SPMIP7: variants seen among roughly 807,000 people sequenced by gnomAD.
The protein encoded by SPMIP7 is protein SPMIP7.
At chr7:50,127,632 T>TAC in the SPMIP7 span, among the ~76,000 whole-genome samples, 2 of 149,160 alleles carry the variant, frequency 1.3e-5, no homozygotes, top group African/African-American at 4.9e-5. Context: ...TATATATATA[T>TAC]ATACTGATTA....
chr7:50,104,236 A>G, the SPMIP7 span: 4 of 597,252 alleles, frequency 6.7e-6, no homozygotes, highest in Non-Finnish European at 1.2e-5. Context: ...CTAGCTTCTA[A>G]TAGTAAATAT....
chr7:50,123,571 A>C, the SPMIP7 span, among the ~76,000 whole-genome samples: 11 of 80,632 alleles, frequency 1.4e-4, no homozygotes, highest in African/African-American at 5.5e-4. Context: ...GTATAATAAT[A>C]AATAAATAAA....
the SPMIP7 span, among the ~76,000 whole-genome samples, chr7:50,100,791 G>A: frequency 1.9e-5 from 2 of 102,980 alleles, no homozygotes; most frequent in East Asian, 2.4e-4. Context: ...CAGCCTTGGC[G>A]ACAGAGTGAG....
the SPMIP7 span, among the ~76,000 whole-genome samples, chr7:50,157,093 A>G: frequency 1.3e-5 from 2 of 152,214 alleles, no homozygotes; most frequent in African/African-American, 4.8e-5. Context: ...GAGGCAAGGA[A>G]CAGTGCATTT....
the SPMIP7 span, among the ~76,000 whole-genome samples, chr7:50,111,081 T>C: frequency 6.8e-6 from 1 of 146,604 alleles, no homozygotes. Context: ...GATAAAATGT[T>C]CTATTATATT....
At chr7:50,148,974 G>A in the SPMIP7 span, among the ~76,000 whole-genome samples, 5 of 152,104 alleles carry the variant, frequency 3.3e-5, no homozygotes, top group Admixed American at 2.0e-4. Flanking sequence ...GTGAAACCCC[G>A]ACTCTACTAA....
the SPMIP7 span, among the ~76,000 whole-genome samples, chr7:50,117,815 G>C: frequency 6.6e-6 from 1 of 152,166 alleles, no homozygotes; most frequent in Non-Finnish European, 1.5e-5. Context: ...AGACATGTCA[G>C]TAAATATTTA....
the SPMIP7 span, among the ~76,000 whole-genome samples, chr7:50,143,972 T>C: frequency 1.3e-5 from 2 of 152,238 alleles, no homozygotes; most frequent in African/African-American, 4.8e-5. Context: ...AGGTTACATA[T>C]GTAAATTGTT....
chr7:50,101,410 C>A, the SPMIP7 span, among the ~76,000 whole-genome samples: 1 of 152,148 alleles, frequency 6.6e-6, no homozygotes, highest in African/African-American at 2.4e-5. Context: ...CTTTTTTGAA[C>A]CTTTGCAGCT....
At chr7:50,143,949 G>T in the SPMIP7 span, among the ~76,000 whole-genome samples, 2 of 151,966 alleles carry the variant, frequency 1.3e-5, no homozygotes, top group African/African-American at 4.8e-5. Flanking sequence ...TACTGTAACT[G>T]CCTCATTCAC....
the SPMIP7 span, among the ~76,000 whole-genome samples, chr7:50,120,038 C>A: frequency 2.0e-5 from 3 of 152,188 alleles, no homozygotes; most frequent in East Asian, 5.8e-4. Flanking sequence ...TGGGGGCCTG[C>A]AGACACATTG....
At chr7:50,131,411 G>C in the SPMIP7 span, among the ~76,000 whole-genome samples, 1 of 152,164 alleles carries the variant, frequency 6.6e-6, no homozygotes, top group African/African-American at 2.4e-5. Flanking sequence ...CATCCAAGTG[G>C]ATATGTCAAG....
At chr7:50,120,350 G>T in the SPMIP7 span, 1 of 152,078 alleles carries the variant, frequency 6.6e-6, no homozygotes, top group Admixed American at 6.6e-5. Flanking sequence ...CTTGAAATTT[G>T]TAGCCAATTA....
chr7:50,101,125 C>T, the SPMIP7 span, among the ~76,000 whole-genome samples: 6 of 152,366 alleles, frequency 3.9e-5, no homozygotes, highest in Non-Finnish European at 7.3e-5. Context: ...GCCACTCTTA[C>T]TGATAAACTC....
chr7:50,134,032 C>A, the SPMIP7 span: 1 of 1,290,420 alleles, frequency 7.7e-7, no homozygotes, highest in Non-Finnish European at 1.1e-6. Context: ...ATTCTCTTAT[C>A]ATAGTATCAT....
the SPMIP7 span, among the ~76,000 whole-genome samples, chr7:50,108,889 G>A: frequency 2.0e-5 from 3 of 152,202 alleles, no homozygotes; most frequent in East Asian, 5.8e-4. Context: ...ATGCCTCTTA[G>A]GACACAAGCA....
chr7:50,112,999 G>A, the SPMIP7 span, among the ~76,000 whole-genome samples: 7 of 151,770 alleles, frequency 4.6e-5, no homozygotes, highest in African/African-American at 1.7e-4. Flanking sequence ...CTGTAAAGAA[G>A]TGGGCATAAG....
At chr7:50,122,700 G>T in the SPMIP7 span, among the ~76,000 whole-genome samples, 12 of 151,014 alleles carry the variant, frequency 7.9e-5, no homozygotes, top group Admixed American at 2.0e-4. Flanking sequence ...AATCTACAAT[G>T]AACTCAAACA....
At chr7:50,114,722 G>A in the SPMIP7 span, among the ~76,000 whole-genome samples, 2,425 of 152,136 alleles carry the variant, frequency 0.016, 77 homozygotes, top group African/African-American at 0.055. Flanking sequence ...GTCACAAATT[G>A]TTAGTTGGAT....
Sources: gnomAD v4.1 joint callset for allele counts (sites outside exome capture counted in the v4.1 genomes callset) on GRCh38, gnomAD v4.1.1 for gene constraint, MANE v1.5 for transcripts, NCBI Gene and HGNC (gene_info 2026-07-23, HGNC 2026-07-21) for gene names.